Variants in CNTNAP2 observed in about 807,000 individuals in gnomAD.
CNTNAP2 encodes the protein contactin associated protein 2, also known as contactin-associated protein-like 2.
CNTNAP2 carries 98 observed loss-of-function variants against 155.2 expected under a neutral mutation model. The ratio of observed to expected loss-of-function variants is 0.63; its 90% CI spans 0.54 to 0.75. CNTNAP2 has a LOEUF of 0.75. Among genes scored for constraint, CNTNAP2 ranks in the 30% least tolerant of loss-of-function variants. CNTNAP2 has a pLI of 0.00. For synonymous variants in CNTNAP2, 651 were observed against 631.2 expected (o/e 1.03, Z -0.47); for missense variants, 1,727 against 1,688.1 (o/e 1.02, Z -0.40).
At chr7:147,399,243 C>T (rs1382243367) in intron 10 of CNTNAP2, among the ~76,000 whole-genome samples, 1 of 152,092 alleles carries the variant, frequency 6.6e-6, no homozygotes, top group African/African-American at 2.4e-5. Context: ...TGAATGAATA[C>T]AGGAGCCATT....
At chr7:146,470,810 C>T (rs951954975) in intron 1 of CNTNAP2, among the ~76,000 whole-genome samples, 3 of 152,108 alleles carry the variant, frequency 2.0e-5, no homozygotes, top group Admixed American at 6.5e-5. Flanking sequence ...CTTCATGATC[C>T]GCCTGCCTGG....
At chr7:146,883,802 A>C (rs547242874) in intron 3 of CNTNAP2, among the ~76,000 whole-genome samples, 45 of 152,282 alleles carry the variant, frequency 3.0e-4, no homozygotes, top group African/African-American at 1.1e-3. Context: ...AATTTCTCCA[A>C]AATCATCTTA....
intron 4 of CNTNAP2, among the ~76,000 whole-genome samples, chr7:147,074,484 T>C (rs1251159757): frequency 6.6e-6 from 1 of 152,140 alleles, no homozygotes; most frequent in Non-Finnish European, 1.5e-5. Context: ...TTTAAGAAAA[T>C]ATGCTGACAG....
intron 13 of CNTNAP2, among the ~76,000 whole-genome samples, chr7:147,668,522 G>A (rs115268770): frequency 0.011 from 1,677 of 152,166 alleles, 37 homozygotes; most frequent in African/African-American, 0.039. Context: ...GTGTAGAGGT[G>A]GAAGACAGCA....
intron 1 of CNTNAP2, among the ~76,000 whole-genome samples, chr7:146,301,655 C>G (rs1404718399): frequency 6.6e-6 from 1 of 151,898 alleles, no homozygotes; most frequent in Non-Finnish European, 1.5e-5. Flanking sequence ...ACAACAACAA[C>G]AAAAAGATAT....
intron 8 of CNTNAP2, among the ~76,000 whole-genome samples, chr7:147,246,847 G>A (rs1304557158): frequency 2.0e-5 from 3 of 152,110 alleles, no homozygotes; most frequent in Non-Finnish European, 4.4e-5. Context: ...TCTGTATAGT[G>A]ACACTAAAAA....
chr7:147,336,129 T>C (rs1203303136), intron 9 of CNTNAP2, among the ~76,000 whole-genome samples: 1 of 152,152 alleles, frequency 6.6e-6, no homozygotes, highest in Admixed American at 6.6e-5. Context: ...CCTTCATTTG[T>C]GGAGTAAAAA....
In CNTNAP2 at chr7:146,579,716, C is replaced by T. The variant is rs546058466; in HGVS notation, c.98-194555C>T. On this transcript the variant is annotated intron_variant, in intron 1 of 23. Transcript: ENST00000361727. Reference sequence around the variant, plus strand: ...CTAGGCACAAGCTGTTTAATTTCCACCCCCTCACATGAATCTAACAAACAA... The same window carrying T: ...CTAGGCACAAGCTGTTTAATTTCCATCCCCTCACATGAATCTAACAAACAA... Among the ~76,000 whole-genome samples, 305 of 152,192 alleles carry T rather than the reference C, an allele frequency of 2.0e-3. 4 individuals carry two copies. The highest frequency in any genetic ancestry group is 7.0e-3 in the African/African-American group (291 of 41,532).
At position 146,896,471 on chromosome 7, in the gene CNTNAP2, A is replaced by T. The variant is rs761030534; in HGVS notation, c.402+56567A>T. Among the ~76,000 whole-genome samples, 28 of 151,960 alleles carry T rather than the reference A, an allele frequency of 1.8e-4. 1 individual carries two copies. Among genetic ancestry groups the T allele is most frequent in the Admixed American group, 9.2e-4 (14 of 15,214 alleles). The stretch of plus-strand genomic sequence containing the variant: ...TCTACCTCTACATTTAACAGTTTGC[A>T]TTATAATAACTATTTTTTAAATATT... On this transcript the variant is annotated intron_variant, in intron 3 of 23. Transcript: ENST00000361727.
chr7:147,403,280 A>T (rs1014467376), intron 10 of CNTNAP2, among the ~76,000 whole-genome samples: 1 of 152,200 alleles, frequency 6.6e-6, no homozygotes, highest in Non-Finnish European at 1.5e-5. Flanking sequence ...GATGGAACCA[A>T]CATACATCTT....
chr7:146,168,722 C>T (rs1347577908), intron 1 of CNTNAP2, among the ~76,000 whole-genome samples: 1 of 152,168 alleles, frequency 6.6e-6, no homozygotes, highest in Admixed American at 6.5e-5. Context: ...CATTTCAAAC[C>T]TGAAATATTG....
intron 11 of CNTNAP2, among the ~76,000 whole-genome samples, chr7:147,505,775 C>G (rs1798895808): frequency 6.6e-6 from 1 of 152,206 alleles, no homozygotes. Flanking sequence ...ACACATAAAA[C>G]TGGCACTCGG....
At chr7:147,870,306 C>T (rs927419202) in intron 13 of CNTNAP2, among the ~76,000 whole-genome samples, 20 of 152,224 alleles carry the variant, frequency 1.3e-4, no homozygotes, top group Admixed American at 1.1e-3. Flanking sequence ...GTCTCTGGTG[C>T]AGTTCTAGAA....
chr7:147,421,623 A>T (rs1357187959), intron 10 of CNTNAP2, among the ~76,000 whole-genome samples: 1 of 56,550 alleles, frequency 1.8e-5, no homozygotes, highest in Non-Finnish European at 3.6e-5. Flanking sequence ...GTATGCTGAG[A>T]TATATATACA....
intron 13 of CNTNAP2, among the ~76,000 whole-genome samples, chr7:147,661,797 C>T (rs1489182686): frequency 6.6e-6 from 1 of 152,070 alleles, no homozygotes; most frequent in Non-Finnish European, 1.5e-5. Flanking sequence ...GTGATCTGCC[C>T]ACCTCGGCCT....
At chr7:147,236,043 A>G (rs1803796678) in intron 8 of CNTNAP2, among the ~76,000 whole-genome samples, 1 of 152,102 alleles carries the variant, frequency 6.6e-6, no homozygotes, top group African/African-American at 2.4e-5. Flanking sequence ...CCTGGCTCCC[A>G]TTGTCTTTGA....
intron 13 of CNTNAP2, among the ~76,000 whole-genome samples, chr7:147,726,578 G>A (rs1796648331): frequency 6.6e-6 from 1 of 152,030 alleles, no homozygotes; most frequent in Non-Finnish European, 1.5e-5. Context: ...CATCTGGGCA[G>A]CAGCAAGGGT....
At chr7:147,720,442 A>G (rs1796547717) in intron 13 of CNTNAP2, among the ~76,000 whole-genome samples, 1 of 152,168 alleles carries the variant, frequency 6.6e-6, no homozygotes, top group Non-Finnish European at 1.5e-5. Flanking sequence ...AAACAAAAAC[A>G]GGACATTTTG....
At chr7:147,655,847 A>G (rs1045959980) in intron 13 of CNTNAP2, among the ~76,000 whole-genome samples, 3 of 152,180 alleles carry the variant, frequency 2.0e-5, no homozygotes, top group Non-Finnish European at 4.4e-5. Context: ...CCAAGCGTTC[A>G]CTTTTCCTCT....
Sources: allele counts gnomAD v4.1 joint callset (sites outside exome capture counted in the v4.1 genomes callset), GRCh38; gene constraint gnomAD v4.1.1; transcripts MANE v1.5; gene names NCBI Gene and HGNC (gene_info 2026-07-23, HGNC 2026-07-21).